Variants in CPT1A observed in about 807,000 individuals in gnomAD.
CPT1A encodes the protein carnitine O-palmitoyltransferase 1, liver isoform.
Under a neutral mutation model 100.8 loss-of-function variants are expected in CPT1A, and 64 were observed. That is an observed-to-expected ratio of 0.63 (90% CI 0.52 to 0.78). The LOEUF (loss-of-function observed/expected upper bound fraction) is 0.78. CPT1A is among the 30% of genes least tolerant of loss of function. The pLI is 0.00. For missense variants in CPT1A, 802 were observed against 1,034.1 expected (o/e 0.78, Z 3.08); for synonymous variants, 363 against 396.0 (o/e 0.92, Z 0.99).
At chr11:68,826,939 T>C (rs953179227) in intron 1 of CPT1A, among the ~76,000 whole-genome samples, 1 of 151,970 alleles carries the variant, frequency 6.6e-6, no homozygotes, top group Non-Finnish European at 1.5e-5. Flanking sequence ...GAGACTGGGA[T>C]GGGCAGACGA....
rs71043448 is a variant in CPT1A at position 68,768,066 on chromosome 11, C to CTTTT, written c.1740+5195_1740+5198dup. On this transcript the variant is annotated intron_variant, in intron 14 of 18. Transcript: ENST00000265641. The stretch of plus-strand genomic sequence containing the variant: ...TCTCAGACACTTTCTAGTTTCCAGT[C>CTTTT]TTTTTTTTTTTTTTTTTTTTTTTTT... Among the ~76,000 whole-genome samples the CTTTT allele has an allele frequency of 9.9e-3, 708 of 71,240 alleles. 221 individuals are homozygous for CTTTT. The highest frequency in any genetic ancestry group is 0.021 in the African/African-American group (342 of 16,370). The allele number at this position is 71,240 out of a possible 152,430, so 46.7% of individuals were successfully genotyped here. A position where few individuals can be genotyped will look rare whatever the true frequency, so the allele number is the denominator to read the frequency against.
intron 9 of CPT1A, among the ~76,000 whole-genome samples, chr11:68,792,811 G>A (rs1005754335): frequency 1.3e-5 from 2 of 152,224 alleles, no homozygotes; most frequent in Non-Finnish European, 2.9e-5. Context: ...CACTTCGGGA[G>A]GCCGAAGCGG....
In CPT1A at chr11:68,814,925, A is replaced by T. The variant is rs544070567; in HGVS notation, c.141+409T>A. 1.1e-3 allele frequency among the ~76,000 whole-genome samples: 165 copies of T among 150,724 alleles called. 1 individual carries two copies. The South Asian group carries it at 0.015, about 13-fold the overall frequency. ...TGGTCTTAAACTCCTGAGCTCAAGC[A>T]ATCCGCCCACCTCAGCTTCCCAAAG... On this transcript the variant is annotated intron_variant, in intron 2 of 18. Transcript: ENST00000265641.
At chr11:68,828,466 C>T (rs1396125378) in intron 1 of CPT1A, among the ~76,000 whole-genome samples, 1 of 152,164 alleles carries the variant, frequency 6.6e-6, no homozygotes, top group East Asian at 1.9e-4. Flanking sequence ...CCCTCCCCAG[C>T]ACCTTTCATC....
intron 13 of CPT1A, among the ~76,000 whole-genome samples, chr11:68,774,380 G>A (rs1241093136): frequency 2.0e-5 from 3 of 152,022 alleles, no homozygotes; most frequent in African/African-American, 7.2e-5. Flanking sequence ...ATAGTCACAC[G>A]TCATCTTATG....
intron 8 of CPT1A, 126 bp from the exon 9 acceptor site, chr11:68,793,528 G>C (rs560779816): frequency 1.5e-6 from 1 of 659,288 alleles, no homozygotes; most frequent in Non-Finnish European, 2.7e-6. Flanking sequence ...GGCGGATCAC[G>C]AGGTCAGTAG....
intron 1 of CPT1A, among the ~76,000 whole-genome samples, chr11:68,817,900 G>A (rs993514480): frequency 2.6e-5 from 4 of 152,096 alleles, no homozygotes; most frequent in African/African-American, 9.7e-5. Flanking sequence ...AGGTGGCTGG[G>A]GTCGACAGGG....
chr11:68,791,732 T>C (rs1176836944), intron 9 of CPT1A, among the ~76,000 whole-genome samples: 1 of 152,046 alleles, frequency 6.6e-6, no homozygotes, highest in Non-Finnish European at 1.5e-5. Context: ...GATGGGGTTT[T>C]GTAGACCAGT....
intron 5 of CPT1A, among the ~76,000 whole-genome samples, chr11:68,803,580 AG>A (rs1280176886): frequency 6.6e-6 from 1 of 151,868 alleles, no homozygotes; most frequent in African/African-American, 2.4e-5. Context: ...GCGTGGTGGC[AG>A]GTGCCTGTAA....
intron 5 of CPT1A, among the ~76,000 whole-genome samples, chr11:68,802,658 C>T (rs1855933990): frequency 6.6e-6 from 1 of 151,646 alleles, no homozygotes; most frequent in Admixed American, 6.6e-5. Flanking sequence ...GGTGTGAACC[C>T]AGGAGGTGGA....
intron 18 of CPT1A, among the ~76,000 whole-genome samples, chr11:68,758,867 C>T (rs574697081): frequency 8.5e-5 from 13 of 152,048 alleles, no homozygotes; most frequent in African/African-American, 3.1e-4. Flanking sequence ...ATTGGCCAGC[C>T]TCAGCCTCCC....
chr11:68,812,000 G>A (rs929198221), intron 3 of CPT1A, among the ~76,000 whole-genome samples: 17 of 152,152 alleles, frequency 1.1e-4, no homozygotes, highest in Admixed American at 3.9e-4. Flanking sequence ...AAGTGGGTGA[G>A]GTCCCTGCAG....
At chr11:68,811,954 G>A (rs560238811) in intron 3 of CPT1A, among the ~76,000 whole-genome samples, 3 of 152,132 alleles carry the variant, frequency 2.0e-5, no homozygotes, top group Non-Finnish European at 4.4e-5. Flanking sequence ...GGGACGGGGG[G>A]GTCCCTGGAG....
At chr11:68,815,302 T>C (rs1856353021) in intron 2 of CPT1A, 32 bp downstream of exon 2, 1 of 1,611,142 alleles carries the variant, frequency 6.2e-7, no homozygotes. Flanking sequence ...TTAAAAGGCA[T>C]ACTGTGTAGA....
At chr11:68,801,342 G>A (rs1222072128) in intron 5 of CPT1A, among the ~76,000 whole-genome samples, 3 of 152,042 alleles carry the variant, frequency 2.0e-5, no homozygotes, top group Admixed American at 6.6e-5. Flanking sequence ...GAGGAGAGAT[G>A]GGGTGGGCCA....
At chr11:68,823,614 C>A (rs1856644113) in intron 1 of CPT1A, among the ~76,000 whole-genome samples, 1 of 151,582 alleles carries the variant, frequency 6.6e-6, no homozygotes, top group Non-Finnish European at 1.5e-5. Context: ...CATGGAGAAA[C>A]CCCATCTCTC....
At chr11:68,783,900 C>T (rs1855383136) in intron 10 of CPT1A, among the ~76,000 whole-genome samples, 1 of 152,222 alleles carries the variant, frequency 6.6e-6, no homozygotes, top group African/African-American at 2.4e-5. Flanking sequence ...GACACAGTCT[C>T]ACTCTGTCAC....
chr11:68,838,501 A>T (rs1387452058), intron 1 of CPT1A, among the ~76,000 whole-genome samples: 2 of 144,384 alleles, frequency 1.4e-5, no homozygotes, highest in African/African-American at 5.0e-5. Flanking sequence ...CGTCAAAGAA[A>T]CTGGTAATAG....
intron 11 of CPT1A, among the ~76,000 whole-genome samples, 181 bp from the exon 12 acceptor site, chr11:68,780,926 C>A (rs1384401004): frequency 6.6e-6 from 1 of 152,212 alleles, no homozygotes; most frequent in Non-Finnish European, 1.5e-5. Flanking sequence ...CTGAATCACT[C>A]ATTTCTTCCC....
Sources: gnomAD v4.1 joint callset for allele counts (sites outside exome capture counted in the v4.1 genomes callset) on GRCh38, gnomAD v4.1.1 for gene constraint, MANE v1.5 for transcripts, NCBI Gene and HGNC (gene_info 2026-07-23, HGNC 2026-07-21) for gene names.